KCNQ5: variants seen among roughly 807,000 people sequenced by gnomAD.
The protein encoded by KCNQ5 is potassium voltage-gated channel subfamily Q member 5.
In KCNQ5, 30 loss-of-function variants were observed where a neutral mutation model predicts 98.2. That is an observed-to-expected ratio of 0.31 (90% CI 0.23 to 0.41). The LOEUF (loss-of-function observed/expected upper bound fraction) is 0.41. Ranked by LOEUF, KCNQ5 falls within the 10% of genes least tolerant of loss-of-function variation. The pLI, the probability that KCNQ5 is intolerant of heterozygous loss-of-function variation, is 1.00. For missense variants in KCNQ5, 835 were observed against 1,182.5 expected, an observed-to-expected ratio of 0.71 and a Z score of 4.31; for synonymous variants, 458 against 449.4, an observed-to-expected ratio of 1.02 and a Z score of -0.24.
At chr6:73,085,673 C>T (rs571543447) in intron 5 of KCNQ5, among the ~76,000 whole-genome samples, 1 of 152,138 alleles carries the variant, frequency 6.6e-6, no homozygotes, top group African/African-American at 2.4e-5. Context: ...TATTCTCCCC[C>T]GCAAACCACC....
intron 1 of KCNQ5, among the ~76,000 whole-genome samples, chr6:72,829,044 A>G (rs1369729090): frequency 6.6e-6 from 1 of 152,174 alleles, no homozygotes; most frequent in Non-Finnish European, 1.5e-5. Context: ...ATACATCTGC[A>G]TAGATATATG....
At chr6:73,069,306 C>A (rs527406173) in intron 3 of KCNQ5, among the ~76,000 whole-genome samples, 11 of 151,804 alleles carry the variant, frequency 7.2e-5, no homozygotes, top group Non-Finnish European at 1.5e-4. Context: ...GTGTAGAGTT[C>A]TTTTTTAATG....
At chr6:73,177,120 T>C (rs1778241879) in intron 11 of KCNQ5, among the ~76,000 whole-genome samples, 1 of 152,196 alleles carries the variant, frequency 6.6e-6, no homozygotes, top group African/African-American at 2.4e-5. Context: ...TGTTAAATGC[T>C]GCTAAGAGGT....
intron 3 of KCNQ5, among the ~76,000 whole-genome samples, chr6:73,049,720 A>G (rs886681289): frequency 1.3e-5 from 2 of 152,222 alleles, no homozygotes; most frequent in African/African-American, 4.8e-5. Context: ...ATCTGATGCC[A>G]TGAAAGCAAA....
At chr6:72,946,942 AC>A (rs936241326) in intron 1 of KCNQ5, among the ~76,000 whole-genome samples, 117 of 152,286 alleles carry the variant, frequency 7.7e-4, no homozygotes, top group African/African-American at 2.6e-3. Context: ...CAGTCCCCAG[AC>A]TTTTGAGTCT....
At chr6:73,143,874 T>C (rs1023185019) in intron 10 of KCNQ5, among the ~76,000 whole-genome samples, 1 of 152,120 alleles carries the variant, frequency 6.6e-6, no homozygotes, top group Non-Finnish European at 1.5e-5. Context: ...GTGGGTGACG[T>C]CCAAAATTCG....
intron 10 of KCNQ5, among the ~76,000 whole-genome samples, chr6:73,138,408 A>T (rs1222260877): frequency 6.6e-6 from 1 of 152,210 alleles, no homozygotes; most frequent in Non-Finnish European, 1.5e-5. Flanking sequence ...TGCATTTGGG[A>T]GTGCCTTACA....
intron 10 of KCNQ5, among the ~76,000 whole-genome samples, chr6:73,142,077 G>T (rs991332665): frequency 2.6e-5 from 4 of 152,144 alleles, no homozygotes; most frequent in African/African-American, 4.8e-5. Flanking sequence ...CACACCCTAG[G>T]TTGCCTGAAT....
At chr6:73,178,146 A>G (rs1778283154) in intron 11 of KCNQ5, among the ~76,000 whole-genome samples, 1 of 151,976 alleles carries the variant, frequency 6.6e-6, no homozygotes, top group South Asian at 2.1e-4. Context: ...AATTTATGCA[A>G]GATTTTACAC....
chr6:72,625,846 A>T (rs2098917770), intron 1 of KCNQ5, among the ~76,000 whole-genome samples: 1 of 151,952 alleles, frequency 6.6e-6, no homozygotes, highest in African/African-American at 2.4e-5. Context: ...CTTCTTTACC[A>T]CTTCTATTCC....
chr6:73,195,029 G>C lies in KCNQ5; in HGVS notation c.2414G>C (p.Arg805Thr), dbSNP rs1765734256. 1.2e-6 allele frequency: 2 copies of C among 1,614,086 alleles called. No homozygotes were observed. The highest frequency in any genetic ancestry group is 1.7e-6 in the Non-Finnish European group (2 of 1,180,052). Reference sequence around the variant, plus strand: ...AATCTCACCAAGGACCGTTCTATGAGGAAAAGCTTTGACATGGGAGGAGAA... The same window carrying C: ...AATCTCACCAAGGACCGTTCTATGACGAAAAGCTTTGACATGGGAGGAGAA... Reference protein sequence around the residue: ...QSNLTKDRSMRKSFDMGGETL... With the variant: ...QSNLTKDRSMTKSFDMGGETL... The change falls in exon 14 of 14, where the codon AGG becomes ACG. Residue 805 changes from arginine (R) to threonine (T), a missense_variant. Around this residue, in one of 10 missense-constraint regions of KCNQ5, gnomAD observed 416 missense variants for 446.9 expected, o/e 0.93. Transcript: ENST00000370398.
chr6:73,101,307 A>C (rs541497101), intron 5 of KCNQ5, among the ~76,000 whole-genome samples: 69 of 152,324 alleles, frequency 4.5e-4, no homozygotes, highest in African/African-American at 1.6e-3. Context: ...AGTGAGATTT[A>C]TCTCAGGGAT....
chr6:72,852,662 A>ATATATATATATATATATATAT (rs1389810749), intron 1 of KCNQ5, among the ~76,000 whole-genome samples: 7 of 38,336 alleles, frequency 1.8e-4, no homozygotes, highest in Admixed American at 5.2e-4. Flanking sequence ...TATATATATA[A>ATATATATATATATATATATAT]ATGGCACTTA....
chr6:72,802,945 C>G (rs528691522), intron 1 of KCNQ5, among the ~76,000 whole-genome samples: 4 of 152,184 alleles, frequency 2.6e-5, no homozygotes, highest in Admixed American at 1.3e-4. Context: ...CGTGACTGCC[C>G]CTATTTCCTT....
chr6:72,804,132 A>G (rs1390419632), intron 1 of KCNQ5, among the ~76,000 whole-genome samples: 1 of 152,126 alleles, frequency 6.6e-6, no homozygotes, highest in Non-Finnish European at 1.5e-5. Flanking sequence ...AAGGCATGAT[A>G]ATCACATCAC....
intron 1 of KCNQ5, among the ~76,000 whole-genome samples, chr6:72,981,582 AT>A (rs1768453662): frequency 6.6e-6 from 1 of 151,804 alleles, no homozygotes; most frequent in Non-Finnish European, 1.5e-5. Context: ...TGGTCTATCA[AT>A]TTTGTTGATC....
Position 72,888,789 on chromosome 6 carries a change from C to A in KCNQ5, c.399-115119C>A, listed in dbSNP as rs577991355. On this transcript the variant is annotated intron_variant, in intron 1 of 13. Coordinates refer to ENST00000370398, the MANE Select transcript of KCNQ5 (RefSeq NM_019842.4). ...TCTTACTTTTCTGCCATGTTGCATT[C>A]CTGAGTAGTCCTTCATTCACATTTT... Among the ~76,000 whole-genome samples, 5 of 152,124 alleles carry A rather than the reference C, an allele frequency of 3.3e-5. No individual in the cohort carries two copies. In the South Asian group the frequency reaches 1.0e-3, roughly 32 times the overall value.
chr6:73,054,517 T>C (rs964005466), intron 3 of KCNQ5, among the ~76,000 whole-genome samples: 44 of 152,354 alleles, frequency 2.9e-4, no homozygotes, highest in African/African-American at 9.9e-4. Context: ...GCTTCGTCCC[T>C]GGGACACAAG....
intron 1 of KCNQ5, among the ~76,000 whole-genome samples, chr6:72,794,514 G>T (rs1360123964): frequency 6.6e-6 from 1 of 152,150 alleles, no homozygotes; most frequent in East Asian, 1.9e-4. Flanking sequence ...CATTTTTAAA[G>T]ACTGATAAAA....
Sources: allele counts gnomAD v4.1 joint callset (sites outside exome capture counted in the v4.1 genomes callset), GRCh38; gene constraint gnomAD v4.1.1; regional missense constraint gnomAD v4.1.1; transcripts MANE v1.5; gene names NCBI Gene and HGNC (gene_info 2026-07-23, HGNC 2026-07-21).